The following AUH variants were observed in gnomAD, a reference collection of about 807,000 sequenced individuals.
AUH encodes methylglutaconyl-CoA hydratase, mitochondrial.
A neutral mutation model predicts 42.3 loss-of-function variants in AUH; 29 were observed. That is an observed-to-expected ratio of 0.69 (90% CI 0.51 to 0.93). The LOEUF (loss-of-function observed/expected upper bound fraction) is 0.93. Ranked by LOEUF, AUH falls within the 40% of genes least tolerant of loss-of-function variation. AUH has a pLI of 0.00. For synonymous variants in AUH, 174 were observed against 166.4 expected (o/e 1.05, Z -0.35); for missense variants, 452 against 438.1 (o/e 1.03, Z -0.28).
intron 3 of AUH, among the ~76,000 whole-genome samples, chr9:91,335,253 G>C (rs1830613265): frequency 6.6e-6 from 1 of 152,130 alleles, no homozygotes; most frequent in Admixed American, 6.5e-5. Flanking sequence ...TTTCCACATT[G>C]CTCTGGTATT....
intron 6 of AUH, among the ~76,000 whole-genome samples, chr9:91,281,736 T>C (rs1198330792): frequency 6.6e-6 from 1 of 152,130 alleles, no homozygotes; most frequent in East Asian, 1.9e-4. Flanking sequence ...ATCTAGTCTA[T>C]CAAGAGATTC....
intron 6 of AUH, among the ~76,000 whole-genome samples, chr9:91,239,762 C>A (rs1293744036): frequency 6.6e-6 from 1 of 150,408 alleles, no homozygotes; most frequent in Non-Finnish European, 1.5e-5. Context: ...CACACATGCA[C>A]ACACGCACGC....
At chr9:91,261,475 T>C (rs1417093793) in intron 6 of AUH, among the ~76,000 whole-genome samples, 1 of 152,198 alleles carries the variant, frequency 6.6e-6, no homozygotes, top group Non-Finnish European at 1.5e-5. Flanking sequence ...CTCTGGGAAT[T>C]AGTCTGCTTA....
chr9:91,255,373 G>C (rs1829356790), intron 6 of AUH, among the ~76,000 whole-genome samples: 1 of 152,180 alleles, frequency 6.6e-6, no homozygotes, highest in South Asian at 2.1e-4. Context: ...AGTGGTTTCT[G>C]TTACAGTATC....
At chr9:91,267,918 A>T (rs1295852608) in intron 6 of AUH, among the ~76,000 whole-genome samples, 1 of 152,040 alleles carries the variant, frequency 6.6e-6, no homozygotes, top group Non-Finnish European at 1.5e-5. Context: ...CAGCCCCTCC[A>T]CCCACAGATA....
intron 6 of AUH, among the ~76,000 whole-genome samples, chr9:91,272,654 A>G (rs946190512): frequency 2.0e-5 from 3 of 152,114 alleles, no homozygotes; most frequent in Non-Finnish European, 4.4e-5. Context: ...CACATTTACT[A>G]TGGTCTAACA....
intron 7 of AUH, among the ~76,000 whole-genome samples, chr9:91,220,596 C>G (rs1030564187): frequency 1.3e-5 from 2 of 152,158 alleles, no homozygotes; most frequent in Non-Finnish European, 2.9e-5. Flanking sequence ...TACAATAAGA[C>G]CCTTGGAGCA....
At chr9:91,343,426 G>C (rs768738204) in intron 3 of AUH, among the ~76,000 whole-genome samples, 116 of 152,326 alleles carry the variant, frequency 7.6e-4, no homozygotes, top group Non-Finnish European at 9.1e-4. Context: ...CTAATGTTTT[G>C]CTAGTATTTA....
chr9:91,251,626 C>T (rs929021222), intron 6 of AUH, among the ~76,000 whole-genome samples: 1 of 152,178 alleles, frequency 6.6e-6, no homozygotes, highest in South Asian at 2.1e-4. Flanking sequence ...AGCCAAATGT[C>T]GAGTGAATGC....
intron 6 of AUH, among the ~76,000 whole-genome samples, chr9:91,278,363 C>A (rs992247157): frequency 2.6e-5 from 4 of 152,162 alleles, no homozygotes; most frequent in African/African-American, 9.7e-5. Flanking sequence ...AGAAAAGAAA[C>A]CTGAACACTG....
intron 6 of AUH, among the ~76,000 whole-genome samples, chr9:91,276,337 A>G (rs566126231): frequency 6.6e-6 from 1 of 151,960 alleles, no homozygotes; most frequent in Non-Finnish European, 1.5e-5. Context: ...AAAGCGAAGC[A>G]CAAGAATCCA....
At chr9:91,268,245 A>C (rs1587730003) in intron 6 of AUH, among the ~76,000 whole-genome samples, 1 of 152,356 alleles carries the variant, frequency 6.6e-6, no homozygotes, top group East Asian at 1.9e-4. Context: ...ATTAGGCTTC[A>C]GCAGTATTCC....
chr9:91,218,393 T>C (rs1826947905), intron 7 of AUH, among the ~76,000 whole-genome samples: 1 of 152,242 alleles, frequency 6.6e-6, no homozygotes, highest in African/African-American at 2.4e-5. Context: ...TTTTATTAAA[T>C]GGTGTGCTCC....
intron 4 of AUH, among the ~76,000 whole-genome samples, chr9:91,323,558 G>A (rs1587857611): frequency 1.3e-5 from 2 of 152,016 alleles, no homozygotes; most frequent in South Asian, 4.2e-4. Flanking sequence ...GGGATGCGGA[G>A]GTTGCAGTGA....
At chr9:91,225,602 T>G (rs2131249837) in intron 6 of AUH, among the ~76,000 whole-genome samples, 1 of 151,690 alleles carries the variant, frequency 6.6e-6, no homozygotes. Context: ...ATTGTGCAGG[T>G]TAGTTACATA....
At chr9:91,265,054 G>A (rs143829728) in intron 6 of AUH, among the ~76,000 whole-genome samples, 1 of 151,894 alleles carries the variant, frequency 6.6e-6, no homozygotes, top group East Asian at 1.9e-4. Flanking sequence ...TTAATCCTCC[G>A]AGCACTGAAA....
chr9:91,323,824 G>A (rs566789478), intron 4 of AUH, among the ~76,000 whole-genome samples: 6 of 151,844 alleles, frequency 4.0e-5, no homozygotes, highest in Admixed American at 2.6e-4. Flanking sequence ...CAGAAAATAC[G>A]AGCCATGCAC....
chr9:91,324,281 T>A (rs1314552299), intron 4 of AUH, among the ~76,000 whole-genome samples: 1 of 151,906 alleles, frequency 6.6e-6, no homozygotes, highest in Non-Finnish European at 1.5e-5. Context: ...GGGAGGAGGA[T>A]CGCTTGAGGC....
chr9:91,303,240 C>T (rs890312151), intron 4 of AUH, among the ~76,000 whole-genome samples: 1 of 152,104 alleles, frequency 6.6e-6, no homozygotes, highest in Non-Finnish European at 1.5e-5. Context: ...TTTCGATTCT[C>T]AGATAAATAC....
Sources: gnomAD v4.1 joint callset for allele counts (sites outside exome capture counted in the v4.1 genomes callset) on GRCh38, gnomAD v4.1.1 for gene constraint, MANE v1.5 for transcripts, NCBI Gene and HGNC (gene_info 2026-07-23, HGNC 2026-07-21) for gene names.